Variants in SYT16 observed in about 807,000 individuals in gnomAD.
SYT16 encodes the protein synaptotagmin-16.
In SYT16, 42 loss-of-function variants were observed where a neutral mutation model predicts 61.4. That is an observed-to-expected ratio of 0.68 (90% CI 0.53 to 0.89). The LOEUF is 0.89. SYT16 is among the 40% of genes least tolerant of loss of function. The probability of loss-of-function intolerance (pLI) is 0.00; values close to 1 mark genes in which losing one functional copy is unlikely to be tolerated. For missense variants in SYT16, 804 were observed against 807.3 expected (o/e 1.00, Z 0.05); for synonymous variants, 314 against 302.3 (o/e 1.04, Z -0.40).
chr14:62,089,198 A>C (rs529893626), intron 7 of SYT16, among the ~76,000 whole-genome samples: 1 of 152,160 alleles, frequency 6.6e-6, no homozygotes, highest in African/African-American at 2.4e-5. Flanking sequence ...AGGTGCCTGT[A>C]ATCCCAGCTA....
intron 3 of SYT16, among the ~76,000 whole-genome samples, chr14:62,042,711 C>G (rs1265615615): frequency 6.6e-6 from 1 of 152,148 alleles, no homozygotes; most frequent in Non-Finnish European, 1.5e-5. Flanking sequence ...CTCTGGAGTT[C>G]TTTCTCTTGG....
Position 61,996,442 on chromosome 14 carries a change from G to A in SYT16, c.423G>A (p.Ala141=), listed in dbSNP as rs777268976. ...RKLPHVLSSI[A]EEEHHLEKQR... ...TACCACATGTGCTTTCTTCTATTGCGGAGGAAGAGCATCACCTTGAAAAGC... is the reference window on the plus strand; with the variant it reads ...TACCACATGTGCTTTCTTCTATTGCAGAGGAAGAGCATCACCTTGAAAAGC... The change falls in exon 3 of 8, where the codon GCG becomes GCA. Residue 141 remains alanine (A), a synonymous_variant. Transcript: ENST00000683842. 13 of 1,613,390 alleles carry A rather than the reference G, an allele frequency of 8.1e-6. No individual in the cohort carries two copies. Among genetic ancestry groups the A allele is most frequent in the South Asian group, 3.3e-5 (3 of 91,044 alleles).
rs138433055 is a variant in SYT16, at chr14:62,085,158, C to T, written c.1624+773C>T. Among the ~76,000 whole-genome samples the T allele has an allele frequency of 1.2e-4, 19 of 152,280 alleles. No individual in the cohort carries two copies. In the East Asian group the frequency reaches 3.7e-3, roughly 29 times the overall value. ...CAGTTGCCTCAACAGCCTCTCACCACCTAGGAAGTTAGAGATTGAACATTA... is the reference window on the plus strand; with the variant it reads ...CAGTTGCCTCAACAGCCTCTCACCATCTAGGAAGTTAGAGATTGAACATTA... On this transcript the variant is annotated intron_variant, in intron 7 of 7. Transcript: ENST00000683842.
At chr14:61,956,308 A>T (rs1052380331) in intron 1 of SYT16, among the ~76,000 whole-genome samples, 6 of 151,892 alleles carry the variant, frequency 4.0e-5, no homozygotes, top group African/African-American at 1.4e-4. Context: ...AGTTTGATGT[A>T]ATCCTGTTTG....
intron 2 of SYT16, among the ~76,000 whole-genome samples, chr14:61,990,586 G>T (rs529327513): frequency 6.6e-6 from 1 of 152,288 alleles, no homozygotes; most frequent in South Asian, 2.1e-4. Flanking sequence ...ACTTTCTCCA[G>T]GAGTTAGTTG....
At chr14:61,977,501 G>T (rs1294014383) in intron 2 of SYT16, among the ~76,000 whole-genome samples, 1 of 152,094 alleles carries the variant, frequency 6.6e-6, no homozygotes, top group African/African-American at 2.4e-5. Context: ...CCAAGCAAAG[G>T]GGGAATAGCT....
At chr14:61,925,585 A>T (rs922885609) in intron 1 of SYT16, among the ~76,000 whole-genome samples, 2 of 152,206 alleles carry the variant, frequency 1.3e-5, no homozygotes, top group African/African-American at 4.8e-5. Flanking sequence ...TTCTTCTCTA[A>T]GATTTTTAGA....
At chr14:61,821,643 C>T (rs978341144) in intron 1 of SYT16, among the ~76,000 whole-genome samples, 1 of 152,208 alleles carries the variant, frequency 6.6e-6, no homozygotes, top group African/African-American at 2.4e-5. Flanking sequence ...CTTGCTTCAT[C>T]AAAGCCAGCA....
intron 7 of SYT16, among the ~76,000 whole-genome samples, chr14:62,086,129 G>A (rs527678471): frequency 6.6e-5 from 10 of 152,254 alleles, no homozygotes; most frequent in African/African-American, 2.2e-4. Flanking sequence ...GAAAGTACCA[G>A]CTGGAGGCCA....
chr14:61,945,855 CAAAAAAAAAAAAAA>C (rs60917584), intron 1 of SYT16, among the ~76,000 whole-genome samples: 2 of 64,490 alleles, frequency 3.1e-5, no homozygotes, highest in Non-Finnish European at 3.1e-5. Context: ...GACTCCGTCT[CAAAAAAAAAAAAAA>C]AAAAAAAAAA....
intron 1 of SYT16, among the ~76,000 whole-genome samples, chr14:61,860,047 A>G (rs1224389730): frequency 6.6e-6 from 1 of 152,140 alleles, no homozygotes; most frequent in Non-Finnish European, 1.5e-5. Context: ...CCTTCTCCTC[A>G]ATTAGGCTCA....
chr14:62,032,605 A>G lies in SYT16; in HGVS notation c.523+36063A>G, dbSNP rs574081760. Among the ~76,000 whole-genome samples, 3 of 152,180 alleles carry G rather than the reference A, an allele frequency of 2.0e-5. No homozygotes were observed. The East Asian group carries it at 5.8e-4, about 29-fold the overall frequency. ...GTAATGATACTGAATAATGACAATG[A>G]TATTTTAGCTGTAAATTCCTAATTA... is the stretch of plus-strand genomic sequence containing the variant. On this transcript the variant is annotated intron_variant, in intron 3 of 7. Transcript: ENST00000683842.
At chr14:62,000,981 G>A (rs2140654271) in intron 3 of SYT16, among the ~76,000 whole-genome samples, 1 of 152,156 alleles carries the variant, frequency 6.6e-6, no homozygotes, top group South Asian at 2.1e-4. Flanking sequence ...AGGAATGCTT[G>A]AGCCCAGGAG....
chr14:61,947,127 A>G (rs2050469835), intron 1 of SYT16, among the ~76,000 whole-genome samples: 1 of 152,066 alleles, frequency 6.6e-6, no homozygotes, highest in Admixed American at 6.6e-5. Context: ...TCTATGTAAG[A>G]TGGTCTCAGG....
chr14:62,013,144 T>C (rs571316284), intron 3 of SYT16, among the ~76,000 whole-genome samples: 1 of 152,328 alleles, frequency 6.6e-6, no homozygotes, highest in East Asian at 1.9e-4. Flanking sequence ...TGTTATGAGG[T>C]ATATCCAGAG....
chr14:61,946,594 G>A (rs2050448125), intron 1 of SYT16, among the ~76,000 whole-genome samples: 1 of 152,078 alleles, frequency 6.6e-6, no homozygotes. Context: ...TTCTGTTAAT[G>A]GGTCCCACAT....
At chr14:62,052,273 C>T (rs1428565446) in intron 3 of SYT16, among the ~76,000 whole-genome samples, 1 of 152,068 alleles carries the variant, frequency 6.6e-6, no homozygotes, top group African/African-American at 2.4e-5. Context: ...GTGATGTGTT[C>T]ATTATTTTTC....
intron 1 of SYT16, among the ~76,000 whole-genome samples, chr14:61,900,473 G>A (rs1332491005): frequency 6.6e-6 from 1 of 152,054 alleles, no homozygotes; most frequent in Non-Finnish European, 1.5e-5. Context: ...TTTCTTATTG[G>A]TACTTCTATT....
chr14:61,992,373 T>C (rs1185928189), intron 2 of SYT16, among the ~76,000 whole-genome samples: 1 of 152,114 alleles, frequency 6.6e-6, no homozygotes. Flanking sequence ...TGAGTTCTCA[T>C]GGCGCGGCAG....
Sources: allele counts gnomAD v4.1 joint callset (sites outside exome capture counted in the v4.1 genomes callset), GRCh38; gene constraint gnomAD v4.1.1; transcripts MANE v1.5; gene names NCBI Gene and HGNC (gene_info 2026-07-23, HGNC 2026-07-21).